Variants in SYNE1 observed in about 807,000 individuals in gnomAD.
The protein encoded by SYNE1 is spectrin repeat containing nuclear envelope protein 1, also known as nesprin-1.
In SYNE1, 616 loss-of-function variants were observed where a neutral mutation model predicts 1,111.0. The ratio of observed to expected loss-of-function variants is 0.55; its 90% CI spans 0.52 to 0.59. The LOEUF (loss-of-function observed/expected upper bound fraction) is 0.59, where lower values mean the gene tolerates loss of function less well. Ranked by LOEUF, SYNE1 falls within the 20% of genes least tolerant of loss-of-function variation. The pLI, the probability that SYNE1 is intolerant of heterozygous loss-of-function variation, is 0.00. For missense variants in SYNE1, 10,006 were observed against 10,417.0 expected (o/e 0.96, Z 1.72); for synonymous variants, 3,855 against 3,825.8 (o/e 1.01, Z -0.28).
intron 70 of SYNE1, among the ~76,000 whole-genome samples, chr6:152,351,733 A>G (rs952498674): frequency 3.9e-5 from 6 of 152,220 alleles, no homozygotes; most frequent in Admixed American, 3.9e-4. Flanking sequence ...GAGGATCCAA[A>G]TACCTGGCTC....
chr6:152,136,926 A>C, intron 140 of SYNE1, 108 bp from the exon 141 acceptor site: 1 of 1,265,530 alleles, frequency 7.9e-7, no homozygotes, highest in South Asian at 1.2e-5. Context: ...AACTGGCCTT[A>C]ACAGGATGGC....
intron 145 of SYNE1, chr6:152,125,403 G>A: frequency 6.6e-7 from 1 of 1,514,734 alleles, no homozygotes; most frequent in Non-Finnish European, 8.9e-7. Context: ...TCCGTGTGTG[G>A]ACGTGGGGAC....
intron 16 of SYNE1, among the ~76,000 whole-genome samples, chr6:152,467,486 G>A (rs116871877): frequency 2.2e-3 from 338 of 152,154 alleles, no homozygotes; most frequent in Non-Finnish European, 2.6e-3. Flanking sequence ...AAAAGAATCT[G>A]CATTTAGTAT....
In SYNE1 at chr6:152,604,792, TA is replaced by T. The variant is rs1179905141; in HGVS notation, c.67+23472del. Among the ~76,000 whole-genome samples, 4 of 149,432 alleles carry T rather than the reference TA, an allele frequency of 2.7e-5. No homozygotes were observed. In the East Asian group the frequency reaches 5.9e-4, roughly 22 times the overall value. On this transcript the variant is annotated intron_variant, in intron 3 of 145. Transcript: ENST00000367255. ...CCCTTCCCACTGTCCCTACAAAAAA[TA>T]AAAAATAAAAAATAGCTGGGTGTGG...
intron 6 of SYNE1, among the ~76,000 whole-genome samples, chr6:152,518,494 T>C (rs533223456): frequency 2.0e-5 from 3 of 151,984 alleles, no homozygotes; most frequent in Non-Finnish European, 2.9e-5. Context: ...CCCTTCTCCT[T>C]CCGCCATGAT....
At chr6:152,177,650 C>T (rs1767084194) in intron 129 of SYNE1, among the ~76,000 whole-genome samples, 1 of 152,138 alleles carries the variant, frequency 6.6e-6, no homozygotes, top group Admixed American at 6.5e-5. Context: ...GCCCCACCCA[C>T]CCTCCTTTTT....
At chr6:152,131,222 A>G (rs1426534604) in intron 144 of SYNE1, among the ~76,000 whole-genome samples, 1 of 152,138 alleles carries the variant, frequency 6.6e-6, no homozygotes, top group Non-Finnish European at 1.5e-5. Context: ...TGTAGTGATG[A>G]AGCCCAACTT....
chr6:152,408,607 T>C (rs1333864379), intron 44 of SYNE1, among the ~76,000 whole-genome samples: 7 of 152,200 alleles, frequency 4.6e-5, no homozygotes, highest in Non-Finnish European at 1.0e-4. Flanking sequence ...CTAAACTTTA[T>C]GTGAGCACGG....
chr6:152,329,971 G>A lies in SYNE1; in HGVS notation c.14714C>T (p.Ala4905Val). The change falls in exon 78 of 146, where the codon GCA becomes GTA. Residue 4905 changes from alanine to valine, a missense_variant. Ala to Val is a moderately conservative substitution (Grantham distance 64, BLOSUM62 0). Transcript: ENST00000367255. The stretch of plus-strand genomic sequence containing the variant: ...TAGGTACACCGGCCCACTGAGCTCT[G>A]CCTTCACTCTCCTCAGCCAGTCCAG... ...RSLDWLRRVKAELSGPVYLDL... is the reference protein window; with the variant it reads ...RSLDWLRRVKVELSGPVYLDL... The A allele has an allele frequency of 6.2e-7, 1 of 1,614,158 alleles. No individual in the cohort carries two copies. The highest frequency in any genetic ancestry group is 1.1e-5 in the South Asian group (1 of 91,084).
intron 47 of SYNE1, among the ~76,000 whole-genome samples, chr6:152,400,211 G>A (rs1227258492): frequency 1.3e-5 from 2 of 150,160 alleles, no homozygotes; most frequent in East Asian, 3.9e-4. Flanking sequence ...AAAAGCACCA[G>A]TAGTTAATTT....
intron 3 of SYNE1, among the ~76,000 whole-genome samples, chr6:152,569,548 G>A (rs2099434486): frequency 6.6e-6 from 1 of 152,044 alleles, no homozygotes; most frequent in Admixed American, 6.6e-5. Context: ...TAAAAGTAAA[G>A]ATAATCAATA....
At chr6:152,369,812 G>A (rs553634718) in intron 59 of SYNE1, among the ~76,000 whole-genome samples, 198 bp from the exon 60 acceptor site, 147 of 151,586 alleles carry the variant, frequency 9.7e-4, no homozygotes, top group Non-Finnish European at 1.6e-3. Context: ...ATGAGACCCC[G>A]TCTCTACTAA....
intron 128 of SYNE1, among the ~76,000 whole-genome samples, chr6:152,181,050 C>T (rs1317357417): frequency 6.8e-6 from 1 of 147,680 alleles, no homozygotes; most frequent in Non-Finnish European, 1.5e-5. Flanking sequence ...TGAATCACCA[C>T]CATCATCAAT....
chr6:152,364,990 C>T lies in SYNE1; in HGVS notation c.10002G>A (p.Glu3334=). 6.2e-7 allele frequency: 1 copy of T among 1,614,230 alleles called. No homozygotes were observed. The highest frequency in any genetic ancestry group is 8.5e-7 in the Non-Finnish European group (1 of 1,180,038). ...TGGTCACTATCATTTTCATCTGAAT[C>T]TCTTTTTCCTGTTTGACTGATAATA... ...EALLSVKQEK[E]IQMKMIVTRG... is the part of the protein sequence containing the mutation. Residue 3334 remains glutamate, a synonymous_variant, in exon 63 of 146, where the codon GAG becomes GAA. Coordinates refer to ENST00000367255, the MANE Select transcript of SYNE1 (RefSeq NM_182961.4).
intron 96 of SYNE1, among the ~76,000 whole-genome samples, chr6:152,282,561 T>G (rs2094099615): frequency 6.6e-6 from 1 of 152,040 alleles, no homozygotes; most frequent in South Asian, 2.1e-4. Context: ...GAAAAAAAAA[T>G]CGACGTCAAT....
chr6:152,521,809 C>T (rs2099141298), intron 5 of SYNE1, among the ~76,000 whole-genome samples: 1 of 152,008 alleles, frequency 6.6e-6, no homozygotes, highest in African/African-American at 2.4e-5. Context: ...GTAACTTCTG[C>T]CAGTTGTTTT....
intron 98 of SYNE1, among the ~76,000 whole-genome samples, chr6:152,271,966 C>T (rs76190980): frequency 0.088 from 13,432 of 152,290 alleles, 708 homozygotes; most frequent in Admixed American, 0.16. Context: ...CGCTCTTCTA[C>T]ACCAGTTACT....
At chr6:152,126,346 G>A (rs2053446821) in intron 145 of SYNE1, 1 of 152,148 alleles carries the variant, frequency 6.6e-6, no homozygotes, top group African/African-American at 2.4e-5. Context: ...AATGGTCCCA[G>A]GGAAAGGGTT....
At chr6:152,523,402 C>G (rs1251648236) in intron 5 of SYNE1, among the ~76,000 whole-genome samples, 1 of 152,022 alleles carries the variant, frequency 6.6e-6, no homozygotes, top group Non-Finnish European at 1.5e-5. Context: ...TATTCTGTTC[C>G]ATTGGTCTAT....
Sources: allele counts gnomAD v4.1 joint callset (sites outside exome capture counted in the v4.1 genomes callset), GRCh38; gene constraint gnomAD v4.1.1; transcripts MANE v1.5; gene names NCBI Gene and HGNC (gene_info 2026-07-23, HGNC 2026-07-21).